CSMD1: variants seen among roughly 807,000 people sequenced by gnomAD.
CSMD1 encodes the protein CUB and sushi domain-containing protein 1.
CSMD1 carries 213 observed loss-of-function variants against 417.5 expected under a neutral mutation model. The observed-to-expected ratio is 0.51, with a 90% CI of 0.46 to 0.57. The LOEUF is 0.57. Ranked by LOEUF, CSMD1 falls within the 20% of genes least tolerant of loss-of-function variation. The pLI, the probability that CSMD1 is intolerant of heterozygous loss-of-function variation, is 0.00. For synonymous variants in CSMD1, 2,862 were observed against 1,736.8 expected (o/e 1.65, Z -16.11); for missense variants, 6,923 against 4,529.7 (o/e 1.53, Z -15.17).
intron 26 of CSMD1, among the ~76,000 whole-genome samples, chr8:3,283,797 T>G (rs1458102029): frequency 6.6e-6 from 1 of 152,220 alleles, no homozygotes; most frequent in Non-Finnish European, 1.5e-5. Context: ...AATTCTATCT[T>G]TTCGTCCTCT....
chr8:4,841,705 G>C (rs994347893), intron 1 of CSMD1, among the ~76,000 whole-genome samples: 3 of 152,014 alleles, frequency 2.0e-5, no homozygotes. Flanking sequence ...GAGGTCAGGA[G>C]TTGGAGACAA....
intron 1 of CSMD1, among the ~76,000 whole-genome samples, chr8:4,976,230 A>G (rs1051007088): frequency 2.0e-5 from 3 of 152,216 alleles, no homozygotes; most frequent in African/African-American, 7.2e-5. Context: ...AAGAGTATCC[A>G]TACCCCAAAC....
intron 2 of CSMD1, among the ~76,000 whole-genome samples, chr8:4,444,423 G>A (rs940709633): frequency 7.0e-6 from 1 of 143,336 alleles, no homozygotes; most frequent in South Asian, 2.3e-4. Flanking sequence ...GCTCAAAAAT[G>A]GACAACTTTT....
chr8:4,131,166 T>A (rs1012652271), intron 3 of CSMD1, among the ~76,000 whole-genome samples: 3 of 152,164 alleles, frequency 2.0e-5, no homozygotes, highest in African/African-American at 7.2e-5. Flanking sequence ...GACAAAAGAC[T>A]GAGAGTAGTA....
chr8:4,402,211 C>G (rs1464865346), intron 3 of CSMD1, among the ~76,000 whole-genome samples: 1 of 152,116 alleles, frequency 6.6e-6, no homozygotes, highest in East Asian at 1.9e-4. Context: ...ACATCCCATG[C>G]TCTTATCTCT....
At chr8:3,210,814 A>T (rs1301196359) in intron 30 of CSMD1, among the ~76,000 whole-genome samples, 1 of 151,688 alleles carries the variant, frequency 6.6e-6, no homozygotes, top group Non-Finnish European at 1.5e-5. Flanking sequence ...ATCACTCCCC[A>T]CAAATTCAAC....
intron 36 of CSMD1, 50 bp downstream of exon 36, chr8:3,187,819 G>C: frequency 8.9e-6 from 12 of 1,341,230 alleles, no homozygotes; most frequent in South Asian, 4.8e-5. Flanking sequence ...TGTTTTCTTG[G>C]TGTTTGCAGA....
chr8:3,549,230 G>T (rs1585345697), intron 10 of CSMD1, among the ~76,000 whole-genome samples: 2 of 152,230 alleles, frequency 1.3e-5, no homozygotes, highest in East Asian at 3.9e-4. Context: ...TGGTTTCTAT[G>T]TTCTGAAAGG....
At chr8:3,380,974 C>T (rs569163137) in intron 18 of CSMD1, among the ~76,000 whole-genome samples, 13 of 152,006 alleles carry the variant, frequency 8.6e-5, no homozygotes, top group Admixed American at 8.5e-4. Context: ...GGGGATGGTA[C>T]TTGAATGCAC....
chr8:4,558,726 C>G (rs770358610), intron 2 of CSMD1, among the ~76,000 whole-genome samples: 48 of 152,056 alleles, frequency 3.2e-4, no homozygotes, highest in Admixed American at 8.5e-4. Context: ...AAAATTAGCC[C>G]AGCATGGTGG....
chr8:3,941,977 G>A (rs1427476491), intron 5 of CSMD1, among the ~76,000 whole-genome samples: 4 of 151,986 alleles, frequency 2.6e-5, no homozygotes, highest in Admixed American at 2.6e-4. Flanking sequence ...CCCATTGCTG[G>A]CATTACCACC....
chr8:4,426,526 A>G (rs973974985), intron 2 of CSMD1, among the ~76,000 whole-genome samples: 12 of 147,526 alleles, frequency 8.1e-5, no homozygotes, highest in Non-Finnish European at 1.3e-4. Flanking sequence ...AGACTGTAGT[A>G]TTTTATACTG....
At chr8:4,017,119 C>T (rs529369707) in intron 4 of CSMD1, among the ~76,000 whole-genome samples, 27 of 152,286 alleles carry the variant, frequency 1.8e-4, no homozygotes, top group Non-Finnish European at 3.1e-4. Flanking sequence ...CCTTGCTGGA[C>T]GCTCTCCATG....
intron 1 of CSMD1, among the ~76,000 whole-genome samples, chr8:4,811,411 T>A (rs1798898778): frequency 6.6e-6 from 1 of 152,170 alleles, no homozygotes; most frequent in South Asian, 2.1e-4. Flanking sequence ...ATGTATTATG[T>A]TGAATCATAT....
rs907013966 is a variant in CSMD1 at position 2,938,104 on chromosome 8, C to T, written c.*481G>A. The T allele has an allele frequency of 6.5e-6, 1 of 152,792 alleles. No homozygotes were observed. The highest frequency in any genetic ancestry group is 1.5e-5 in the Non-Finnish European group (1 of 68,422). 9.5% of individuals were successfully genotyped at this position (152,792 alleles called of 1,614,324 possible). A position where few individuals can be genotyped will look rare whatever the true frequency, so the allele number is the denominator to read the frequency against. ...CCTCTATCAGAAAGGTGTCTTCTTC[C>T]AGAAAGCTTTTTATTTTTTTCAGAG... On this transcript the variant is annotated 3_prime_UTR_variant, in exon 70 of 70. Coordinates refer to ENST00000635120, the MANE Select transcript of CSMD1 (RefSeq NM_033225.6).
chr8:3,693,883 T>C (rs1379933982), intron 7 of CSMD1, among the ~76,000 whole-genome samples: 1 of 150,778 alleles, frequency 6.6e-6, no homozygotes, highest in African/African-American at 2.4e-5. Flanking sequence ...TCGTGTATGT[T>C]GAATATAGAT....
chr8:3,867,074 G>C (rs1805154288), intron 5 of CSMD1, among the ~76,000 whole-genome samples: 1 of 152,032 alleles, frequency 6.6e-6, no homozygotes, highest in Non-Finnish European at 1.5e-5. Context: ...TTTCCAACCA[G>C]TTTTTTAAAA....
chr8:3,598,332 G>C (rs78537121), intron 8 of CSMD1: 87 of 152,296 alleles, frequency 5.7e-4, no homozygotes, highest in African/African-American at 2.0e-3. Context: ...TTATGCATTT[G>C]ATGGCTGGTA....
chr8:3,860,796 TAACTC>T (rs1804648181), intron 5 of CSMD1, among the ~76,000 whole-genome samples: 5 of 152,292 alleles, frequency 3.3e-5, no homozygotes, highest in African/African-American at 1.2e-4. Flanking sequence ...CTGCAACACT[TAACTC>T]TAACCATAGT....
Sources: gnomAD v4.1 joint callset for allele counts (sites outside exome capture counted in the v4.1 genomes callset) on GRCh38, gnomAD v4.1.1 for gene constraint, MANE v1.5 for transcripts, NCBI Gene and HGNC (gene_info 2026-07-23, HGNC 2026-07-21) for gene names.